Variants in GALNT13 observed in about 807,000 individuals in gnomAD.
The protein encoded by GALNT13 is polypeptide N-acetylgalactosaminyltransferase 13, also known as UDP-GalNAc:polypeptide N-acetylgalactosaminyltransferase 13.
Under a neutral mutation model 64.2 loss-of-function variants are expected in GALNT13, and 28 were observed. The observed-to-expected ratio is 0.44, with a 90% CI of 0.32 to 0.60. GALNT13 has a LOEUF of 0.60. Ranked by LOEUF, GALNT13 falls within the 20% of genes least tolerant of loss-of-function variation. The probability of loss-of-function intolerance (pLI) is 0.05; values close to 1 mark genes in which losing one functional copy is unlikely to be tolerated. For missense variants in GALNT13, 577 were observed against 669.8 expected (o/e 0.86, Z 1.53); for synonymous variants, 214 against 224.6 (o/e 0.95, Z 0.42).
intron 3 of GALNT13, among the ~76,000 whole-genome samples, chr2:153,979,673 C>A (rs890850356): frequency 6.6e-6 from 1 of 152,088 alleles, no homozygotes; most frequent in Non-Finnish European, 1.5e-5. Flanking sequence ...TTGTATATAA[C>A]ATCATATGCA....
intron 12 of GALNT13, among the ~76,000 whole-genome samples, chr2:154,449,058 T>G (rs1443944714): frequency 6.6e-6 from 1 of 152,036 alleles, no homozygotes; most frequent in Non-Finnish European, 1.5e-5. Flanking sequence ...GGCTACTGGT[T>G]GAATTTCTGG....
chr2:153,287,232 C>A, the GALNT13 span, among the ~76,000 whole-genome samples: 1 of 152,166 alleles, frequency 6.6e-6, no homozygotes, highest in Admixed American at 6.5e-5. Context: ...GGGGAGCATG[C>A]AGACGGGCAA....
intron 1 of GALNT13, among the ~76,000 whole-genome samples, chr2:153,897,031 G>C (rs1687938731): frequency 6.6e-6 from 1 of 152,064 alleles, no homozygotes; most frequent in Non-Finnish European, 1.5e-5. Context: ...ATGTGCTCAT[G>C]TGTGCATGCA....
At chr2:154,147,667 T>C (rs1683698034) in intron 4 of GALNT13, among the ~76,000 whole-genome samples, 1 of 151,906 alleles carries the variant, frequency 6.6e-6, no homozygotes, top group African/African-American at 2.4e-5. Context: ...ATTTATACAC[T>C]TAATAATTCA....
intron 2 of GALNT13, among the ~76,000 whole-genome samples, chr2:153,942,931 G>A (rs1036904669): frequency 3.3e-5 from 5 of 152,082 alleles, no homozygotes; most frequent in Admixed American, 6.6e-5. Context: ...TGAGACAAAC[G>A]TTTATGAAAT....
intron 9 of GALNT13, among the ~76,000 whole-genome samples, chr2:154,328,957 TAA>T (rs1318105596): frequency 2.0e-5 from 3 of 152,174 alleles, no homozygotes; most frequent in Non-Finnish European, 4.4e-5. Context: ...TTCTTCCTCT[TAA>T]AAGACTGCTC....
At chr2:153,335,218 T>C in the GALNT13 span, among the ~76,000 whole-genome samples, 11 of 152,182 alleles carry the variant, frequency 7.2e-5, no homozygotes, top group Non-Finnish European at 1.2e-4. Flanking sequence ...AATGGACTAA[T>C]ACAGTAAGTT....
chr2:154,445,030 G>A (rs1701495716), intron 12 of GALNT13, among the ~76,000 whole-genome samples: 1 of 151,864 alleles, frequency 6.6e-6, no homozygotes, highest in Non-Finnish European at 1.5e-5. Context: ...TTTTCAAACA[G>A]TATACTGAGA....
At chr2:154,424,550 G>A (rs1700390500) in intron 11 of GALNT13, among the ~76,000 whole-genome samples, 1 of 152,096 alleles carries the variant, frequency 6.6e-6, no homozygotes, top group Admixed American at 6.5e-5. Flanking sequence ...AACCAAAAGA[G>A]GCTGCTTTGC....
chr2:153,326,387 C>A, the GALNT13 span, among the ~76,000 whole-genome samples: 2 of 150,632 alleles, frequency 1.3e-5, no homozygotes, highest in Non-Finnish European at 2.9e-5. Context: ...TGTCTTTGCA[C>A]ATGAGATGGG....
chr2:153,494,337 C>T, the GALNT13 span, among the ~76,000 whole-genome samples: 11 of 151,942 alleles, frequency 7.2e-5, no homozygotes, highest in South Asian at 2.1e-4. Context: ...TAGAATACTG[C>T]GGGCAATTTA....
At chr2:154,288,973 C>T (rs1379445281) in intron 8 of GALNT13, among the ~76,000 whole-genome samples, 2 of 152,212 alleles carry the variant, frequency 1.3e-5, no homozygotes, top group Admixed American at 6.5e-5. Context: ...TTGCACCCCA[C>T]ATTTCCCTTC....
intron 9 of GALNT13, among the ~76,000 whole-genome samples, chr2:154,344,946 G>A (rs1185041918): frequency 6.6e-6 from 1 of 151,920 alleles, no homozygotes. Flanking sequence ...GCACTGTGTG[G>A]CTAAAAATAG....
At chr2:153,548,107 C>T in the GALNT13 span, among the ~76,000 whole-genome samples, 788 of 152,214 alleles carry the variant, frequency 5.2e-3, 13 homozygotes, top group African/African-American at 0.018. Context: ...TGTAACAGCT[C>T]GATGAATTAA....
chr2:153,890,173 A>G (rs6761088), intron 1 of GALNT13, among the ~76,000 whole-genome samples: 24,742 of 151,970 alleles, frequency 0.16, 2,437 homozygotes, highest in East Asian at 0.26. Context: ...TCATCTGTCT[A>G]TATGAACAGT....
chr2:153,904,033 T>A (rs1161615752), intron 2 of GALNT13, among the ~76,000 whole-genome samples: 1 of 152,038 alleles, frequency 6.6e-6, no homozygotes, highest in African/African-American at 2.4e-5. Context: ...TGCAAAATAT[T>A]GGTTTAGCCT....
At chr2:153,465,995 G>A in the GALNT13 span, among the ~76,000 whole-genome samples, 3 of 151,956 alleles carry the variant, frequency 2.0e-5, no homozygotes, top group Non-Finnish European at 4.4e-5. Context: ...ATAGCCACCT[G>A]CCCGGTGCCC....
chr2:153,506,292 A>G, the GALNT13 span, among the ~76,000 whole-genome samples: 1 of 152,182 alleles, frequency 6.6e-6, no homozygotes, highest in Admixed American at 6.5e-5. Flanking sequence ...GTTATTATCC[A>G]GTCTGCCATT....
At chr2:153,856,752 T>C in the GALNT13 span, among the ~76,000 whole-genome samples, 2 of 151,616 alleles carry the variant, frequency 1.3e-5, no homozygotes, top group Admixed American at 1.3e-4. Flanking sequence ...GATTGGGCAG[T>C]TCTTTTCCTA....
Sources: gnomAD v4.1 joint callset for allele counts (sites outside exome capture counted in the v4.1 genomes callset) on GRCh38, gnomAD v4.1.1 for gene constraint, MANE v1.5 for transcripts, NCBI Gene and HGNC (gene_info 2026-07-23, HGNC 2026-07-21) for gene names.